ADAMTS14: variants seen among roughly 807,000 people sequenced by gnomAD.
ADAMTS14 encodes the protein A disintegrin and metalloproteinase with thrombospondin motifs 14.
ADAMTS14 carries 100 observed loss-of-function variants against 128.6 expected under a neutral mutation model. The ratio of observed to expected loss-of-function variants is 0.78; its 90% CI spans 0.66 to 0.92. The LOEUF is 0.92. ADAMTS14 is among the 40% of genes least tolerant of loss of function. ADAMTS14 has a pLI of 0.00. For missense variants in ADAMTS14, 1,562 were observed against 1,658.6 expected (o/e 0.94, Z 1.01); for synonymous variants, 665 against 653.8 (o/e 1.02, Z -0.26).
rs772643718 is a variant in ADAMTS14, at chr10:70,753,910, T to G, written c.2840T>G (p.Met947Arg). 1 of 1,591,600 alleles carries G rather than the reference T, an allele frequency of 6.3e-7. No individual in the cohort carries two copies. Among genetic ancestry groups the G allele is most frequent in the Non-Finnish European group, 8.5e-7 (1 of 1,170,134 alleles). ...CTCTCCAATGGAACCCACAAGGTCA[T>G]GCCGGCCAAAGCCTGCGCCGGGGAC... ...LPLSNGTHKV[M>R]PAKACAGDRP... Residue 947 changes from methionine (M) to arginine (R), a missense_variant, in exon 19 of 22, where the codon ATG becomes AGG. By Grantham distance (91) the Met-to-Arg change is moderately conservative (BLOSUM62 -1). Coordinates refer to ENST00000373207, the MANE Select transcript of ADAMTS14 (RefSeq NM_080722.4).
At chr10:70,751,843 C>T (rs554713118) in intron 17 of ADAMTS14, among the ~76,000 whole-genome samples, 197 bp downstream of exon 17, 8 of 152,336 alleles carry the variant, frequency 5.3e-5, no homozygotes, top group South Asian at 2.1e-4. Flanking sequence ...GAGCCATATC[C>T]GGGCAGAGCT....
intron 19 of ADAMTS14, among the ~76,000 whole-genome samples, chr10:70,756,944 T>C (rs1038836533): frequency 6.6e-6 from 1 of 152,066 alleles, no homozygotes; most frequent in Non-Finnish European, 1.5e-5. Flanking sequence ...AGTCAGGAGC[T>C]GTTAGCTGCT....
At chr10:70,707,055 G>T (rs1050124928) in intron 3 of ADAMTS14, among the ~76,000 whole-genome samples, 3 of 152,230 alleles carry the variant, frequency 2.0e-5, no homozygotes, top group Admixed American at 1.3e-4. Flanking sequence ...CCCAGCTTCA[G>T]TGACCCCTCC....
At chr10:70,699,056 G>C (rs1840418881) in intron 2 of ADAMTS14, among the ~76,000 whole-genome samples, 1 of 152,184 alleles carries the variant, frequency 6.6e-6, no homozygotes, top group Non-Finnish European at 1.5e-5. Flanking sequence ...GAGAATGAGT[G>C]TCCTTGCTCA....
chr10:70,760,683 C>T lies in ADAMTS14; in HGVS notation c.3502C>T (p.Pro1168Ser). 6.2e-7 allele frequency: 1 copy of T among 1,614,180 alleles called. No homozygotes were observed. Among genetic ancestry groups the T allele is most frequent in the Non-Finnish European group, 8.5e-7 (1 of 1,180,028 alleles). ...CCCAGGGACCCAGCATCCCTTTGCC[C>T]CTGAGACACCAATCCCTGGAGCATC... ...SSPGTQHPFA[P>S]ETPIPGASWS... The change falls in exon 22 of 22, where the codon CCT becomes TCT. Residue 1168 changes from proline to serine, a missense_variant. Physicochemically the swap from Pro to Ser is moderately conservative, Grantham distance 74. Coordinates refer to ENST00000373207, the MANE Select transcript of ADAMTS14 (RefSeq NM_080722.4).
rs750081419 is a variant in ADAMTS14, at chr10:70,734,018, C to T, written c.1342C>T (p.Arg448Cys). The T allele has an allele frequency of 2.0e-5, 32 of 1,612,666 alleles. 1 individual carries two copies. The highest frequency in any genetic ancestry group is 9.9e-5 in the South Asian group (9 of 91,046). The change falls in exon 8 of 22, where the codon CGC becomes TGC. Residue 448 changes from arginine (R) to cysteine (C), a missense_variant. Physicochemically the swap from Arg to Cys is radical, Grantham distance 180. Coordinates refer to ENST00000373207, the MANE Select transcript of ADAMTS14 (RefSeq NM_080722.4). ...CCGCTGCAGCAAGCTGGAGCTCAGC[C>T]GCTACCTCCCGTAGGTCATTCCTGC... Reference protein sequence around the residue: ...WSRCSKLELSRYLPSYDCLLD... With the variant: ...WSRCSKLELSCYLPSYDCLLD...
chr10:70,706,600 G>A (rs542476209), intron 3 of ADAMTS14, among the ~76,000 whole-genome samples: 5 of 152,300 alleles, frequency 3.3e-5, no homozygotes, highest in Admixed American at 1.3e-4. Flanking sequence ...TGTGAGCTTA[G>A]AGCGGTGCCA....
At chr10:70,744,531 T>A (rs949699358) in intron 14 of ADAMTS14, among the ~76,000 whole-genome samples, 6 of 152,226 alleles carry the variant, frequency 3.9e-5, no homozygotes, top group Non-Finnish European at 8.8e-5. Context: ...TAGCCAAGAC[T>A]GGACTGATAA....
At position 70,757,294 on chromosome 10, in the gene ADAMTS14, G is replaced by A. The variant is rs142344092; in HGVS notation, c.2938-668G>A. Among the ~76,000 whole-genome samples, 388 of 152,206 alleles carry A rather than the reference G, an allele frequency of 2.5e-3. 1 individual carries two copies. The highest frequency in any genetic ancestry group is 9.0e-3 in the African/African-American group (372 of 41,542). ...CTGGTGCCTCCTGCTCCTTGTACCC[G>A]CACCCTGCTCCATCAGGGAAGAAGA... On this transcript the variant is annotated intron_variant, in intron 19 of 21. Transcript: ENST00000373207.
intron 2 of ADAMTS14, among the ~76,000 whole-genome samples, chr10:70,700,895 T>C (rs1177505430): frequency 2.0e-5 from 3 of 152,240 alleles, no homozygotes; most frequent in Non-Finnish European, 2.9e-5. Context: ...AGTATAAGGT[T>C]TGACGTTGAC....
At chr10:70,699,509 C>G (rs116211648) in intron 2 of ADAMTS14, among the ~76,000 whole-genome samples, 30 of 152,190 alleles carry the variant, frequency 2.0e-4, no homozygotes, top group African/African-American at 7.2e-4. Context: ...CAAGTAAAAG[C>G]TAGAGGTCTC....
intron 7 of ADAMTS14, 102 bp downstream of exon 7, chr10:70,732,461 T>G: frequency 9.8e-7 from 1 of 1,023,514 alleles, no homozygotes; most frequent in Non-Finnish European, 1.4e-6. Flanking sequence ...CTGGTTCCAG[T>G]GTCCTGGGAG....
At chr10:70,696,404 C>T (rs964939524) in intron 2 of ADAMTS14, among the ~76,000 whole-genome samples, 6 of 151,528 alleles carry the variant, frequency 4.0e-5, no homozygotes, top group African/African-American at 1.2e-4. Flanking sequence ...GGGACACAGA[C>T]CGTTAAGCTG....
intron 4 of ADAMTS14, among the ~76,000 whole-genome samples, chr10:70,710,903 T>C (rs1840833622): frequency 6.6e-6 from 1 of 152,206 alleles, no homozygotes; most frequent in South Asian, 2.1e-4. Context: ...CCACGTCATG[T>C]CAGTCCCCTT....
At chr10:70,713,322 G>A (rs1344606360) in intron 4 of ADAMTS14, among the ~76,000 whole-genome samples, 1 of 146,220 alleles carries the variant, frequency 6.8e-6, no homozygotes. Flanking sequence ...CCCTCTGTGG[G>A]ATGAGGTATT....
chr10:70,702,450 G>T lies in ADAMTS14; in HGVS notation c.661G>T (p.Gly221Trp). Residue 221 changes from glycine to tryptophan, a missense_variant, in exon 3 of 22, where the codon GGG (glycine) becomes TGG (tryptophan). Coordinates refer to ENST00000373207, the MANE Select transcript of ADAMTS14 (RefSeq NM_080722.4). Reference protein sequence around the residue: ...AVQQEWAEPDGDLHNEAFGLG... With the variant: ...AVQQEWAEPDWDLHNEAFGLG... ...CCAGCAGGAGTGGGCAGAACCTGAC[G>T]GGGACCTGCACAATGAAGGTAGGCT... 1 of 1,610,478 alleles carries T rather than the reference G, an allele frequency of 6.2e-7. No individual in the cohort carries two copies.
rs770526898 is a variant in ADAMTS14 at position 70,730,094 on chromosome 10, C to A, written c.955-8C>A. On this transcript the variant is annotated splice_polypyrimidine_tract_variant and splice_region_variant and intron_variant, in intron 5 of 21. Transcript: ENST00000373207. ...ACGTGGCTGTTGGTGCTCTCCCGGC[C>A]CCTGCAGTCCCTGAGCCTGATCGAG... 2.5e-6 allele frequency: 4 copies of A among 1,587,794 alleles called. No individual in the cohort carries two copies. The highest frequency in any genetic ancestry group is 3.4e-6 in the Non-Finnish European group (4 of 1,167,746).
chr10:70,703,836 C>T (rs1840568420), intron 3 of ADAMTS14, among the ~76,000 whole-genome samples: 1 of 152,214 alleles, frequency 6.6e-6, no homozygotes, highest in Non-Finnish European at 1.5e-5. Flanking sequence ...TGCCCCACAC[C>T]AGGCTCCGGG....
chr10:70,750,053 C>CCAAGTT, intron 16 of ADAMTS14, 68 bp downstream of exon 16: 1 of 1,572,060 alleles, frequency 6.4e-7, no homozygotes, highest in Non-Finnish European at 8.7e-7. Flanking sequence ...GCTACATCTG[C>CCAAGTT]TGCCAAGCCA....
Sources: gnomAD v4.1 joint callset for allele counts (sites outside exome capture counted in the v4.1 genomes callset) on GRCh38, gnomAD v4.1.1 for gene constraint, MANE v1.5 for transcripts, NCBI Gene and HGNC (gene_info 2026-07-23, HGNC 2026-07-21) for gene names.